Variants in VPS16 observed in about 807,000 individuals in gnomAD.
VPS16 encodes the protein VPS16 core subunit of CORVET and HOPS complexes.
Under a neutral mutation model 116.0 loss-of-function variants are expected in VPS16, and 82 were observed. The ratio of observed to expected loss-of-function variants is 0.71; its 90% CI spans 0.59 to 0.85. VPS16 has a LOEUF of 0.85. Ranked by LOEUF, VPS16 falls within the 40% of genes least tolerant of loss-of-function variation. VPS16 has a pLI of 0.00. For synonymous variants in VPS16, 406 were observed against 420.7 expected (o/e 0.96, Z 0.43); for missense variants, 928 against 1,090.6 (o/e 0.85, Z 2.10).
chr20:2,860,852 T>G lies in VPS16; in HGVS notation c.619T>G (p.Cys207Gly). 6.2e-7 allele frequency: 1 copy of G among 1,614,092 alleles called. No individual in the cohort carries two copies. The highest frequency in any genetic ancestry group is 8.5e-7 in the Non-Finnish European group (1 of 1,180,022). The change falls in exon 6 of 24, where the codon TGC (cysteine) becomes GGC (glycine). Residue 207 changes from cysteine to glycine, a missense_variant. Coordinates refer to ENST00000380445, the MANE Select transcript of VPS16 (RefSeq NM_022575.4). The surrounding 1 kb of genome is among the most constrained non-coding windows in gnomAD (Gnocchi z 6.1). ...CCTTTACCTCTTGGACCATGCAGCC[T>G]GCTCCGCAGTGGTAAGGGCCCTGAG... Reference protein sequence around the residue: ...PDLYLLDHAACSAVTPPGLAP... With the variant: ...PDLYLLDHAAGSAVTPPGLAP...
chr20:2,864,111 C>T lies in VPS16; in HGVS notation c.1611+28C>T. On this transcript the variant is annotated intron_variant, in intron 16 of 23. Coordinates refer to ENST00000380445, the MANE Select transcript of VPS16 (RefSeq NM_022575.4). This position sits in a 1 kb window ranked among gnomAD's most constrained non-coding sequence, Gnocchi z 5.2. ...GTGGGTGCCCAGCCCTCCACAGACA[C>T]TCTGATGTGGTTGTTCAGGGCCCCC... is the stretch of plus-strand genomic sequence containing the variant. 6.2e-7 allele frequency: 1 copy of T among 1,613,710 alleles called. No individual in the cohort carries two copies. Among genetic ancestry groups the T allele is most frequent in the Non-Finnish European group, 8.5e-7 (1 of 1,179,626 alleles).
In VPS16 at chr20:2,860,608, C is replaced by T. The variant is rs767931264; in HGVS notation, c.514+15C>T. 57 of 1,613,028 alleles carry T rather than the reference C, an allele frequency of 3.5e-5. No homozygotes were observed. In the Admixed American group the frequency reaches 3.8e-4, roughly 11 times the overall value. On this transcript the variant is annotated intron_variant, in intron 5 of 23. Transcript: ENST00000380445. The surrounding 1 kb of genome is among the most constrained non-coding windows in gnomAD (Gnocchi z 6.1). ...AGAGGTGCCAGGTAAGCCCTGACAC[C>T]GCTGAGATAGCCAAGCAGTACCCAC...
intron 1 of VPS16, among the ~76,000 whole-genome samples, chr20:2,851,949 G>A (rs1446502074): frequency 3.3e-5 from 5 of 152,138 alleles, no homozygotes; most frequent in Non-Finnish European, 7.4e-5. Flanking sequence ...CAGCCTGGGC[G>A]ACAGAGCGAG....
Position 2,864,048 on chromosome 20 carries a change from G to A in VPS16, c.1576G>A (p.Ala526Thr). ...CTCTTACTCCGACATTGCTGCACGAGCCTATGGTTGTGGCCGCACGGAGCT... is the reference window on the plus strand; with the variant it reads ...CTCTTACTCCGACATTGCTGCACGAACCTATGGTTGTGGCCGCACGGAGCT... ...GVSYSDIAAR[A>T]YGCGRTELAI... The change falls in exon 16 of 24, where the codon GCC (alanine) becomes ACC (threonine). Residue 526 changes from alanine to threonine, a missense_variant. Coordinates refer to ENST00000380445, the MANE Select transcript of VPS16 (RefSeq NM_022575.4). The surrounding 1 kb of genome is among the most constrained non-coding windows in gnomAD (Gnocchi z 5.2). 1 of 1,614,196 alleles carries A rather than the reference G, an allele frequency of 6.2e-7. No individual in the cohort carries two copies. The highest frequency in any genetic ancestry group is 1.6e-4 in the Middle Eastern group (1 of 6,062).
At position 2,863,209 on chromosome 20, in the gene VPS16, C is replaced by T; in HGVS notation, c.1368-81C>T. ...CCTGACCTATCTAGGATGTGGGAGG[C>T]CTGATGTGCAGGCTGAGGCCACTCT... On this transcript the variant is annotated intron_variant, in intron 14 of 23. Coordinates refer to ENST00000380445, the MANE Select transcript of VPS16 (RefSeq NM_022575.4). This position sits in a 1 kb window ranked among gnomAD's most constrained non-coding sequence, Gnocchi z 4.4. The T allele has an allele frequency of 6.2e-7, 1 of 1,609,702 alleles. No individual in the cohort carries two copies. Among genetic ancestry groups the T allele is most frequent in the South Asian group, 1.1e-5 (1 of 90,952 alleles).
In VPS16 at chr20:2,863,338, C is replaced by T; in HGVS notation, c.1416C>T (p.Tyr472=). 1 of 1,614,232 alleles carries T rather than the reference C, an allele frequency of 6.2e-7. No individual in the cohort carries two copies. The highest frequency in any genetic ancestry group is 1.1e-5 in the South Asian group (1 of 91,092). The change falls in exon 15 of 24, where the codon TAC becomes TAT. Residue 472 remains tyrosine, a synonymous_variant. Coordinates refer to ENST00000380445, the MANE Select transcript of VPS16 (RefSeq NM_022575.4). The surrounding 1 kb of genome is among the most constrained non-coding windows in gnomAD (Gnocchi z 4.4). Reference sequence around the variant, plus strand: ...CCCTGGCCATCCAGATATGCGAGTACTTGCGCCTTCCTGAAGTACAGGGCG... The same window carrying T: ...CCCTGGCCATCCAGATATGCGAGTATTTGCGCCTTCCTGAAGTACAGGGCG... ...LYPLAIQICE[Y]LRLPEVQGVS...
intron 1 of VPS16, among the ~76,000 whole-genome samples, chr20:2,858,346 G>A (rs2089195466): frequency 6.6e-6 from 1 of 152,104 alleles, no homozygotes; most frequent in South Asian, 2.1e-4. Context: ...AGCTCAAGCA[G>A]TCTGCCTGCT....
At chr20:2,861,580 A>T (rs1420300283) in intron 8 of VPS16, 35 bp from the exon 9 acceptor site, 3 of 1,578,518 alleles carry the variant, frequency 1.9e-6, no homozygotes, top group Admixed American at 3.6e-5. Context: ...TGGCCATGGG[A>T]CAGTGTCTAG....
At chr20:2,857,579 G>T (rs2146660998) in intron 1 of VPS16, among the ~76,000 whole-genome samples, 1 of 150,786 alleles carries the variant, frequency 6.6e-6, no homozygotes, top group Middle Eastern at 3.4e-3. Context: ...GCACAATCTT[G>T]GCTCACTGCA....
chr20:2,863,843 G>GAAA lies in VPS16; in HGVS notation c.1477-106_1477-105insAAA. ...AAAGAGAGAAAGAAAGAAAGAAGAA[G>GAAA]GAAGGGAGGGAGGAAGGGAACTGAA... is the stretch of plus-strand genomic sequence containing the variant. On this transcript the variant is annotated intron_variant, in intron 15 of 23. Coordinates refer to ENST00000380445, the MANE Select transcript of VPS16 (RefSeq NM_022575.4). The surrounding 1 kb of genome is among the most constrained non-coding windows in gnomAD (Gnocchi z 4.4). 7.7e-7 allele frequency: 1 copy of GAAA among 1,307,056 alleles called. No individual in the cohort carries two copies. Among genetic ancestry groups the GAAA allele is most frequent in the Non-Finnish European group, 1.0e-6 (1 of 957,482 alleles). 81.0% of individuals were successfully genotyped at this position (1,307,056 alleles called of 1,614,324 possible). A position where few individuals can be genotyped will look rare whatever the true frequency, so the allele number is the denominator to read the frequency against.
chr20:2,864,491 A>T lies in VPS16; in HGVS notation c.1818+29A>T. On this transcript the variant is annotated intron_variant, in intron 18 of 23. Coordinates refer to ENST00000380445, the MANE Select transcript of VPS16 (RefSeq NM_022575.4). The surrounding 1 kb of genome is among the most constrained non-coding windows in gnomAD (Gnocchi z 5.2). ...TGTGTAGTGGGCAGGGTTGTGGTGT[A>T]GCCTTCTGAGCACTTGAGTTGGCCT... is the stretch of plus-strand genomic sequence containing the variant. 3 of 1,614,082 alleles carry T rather than the reference A, an allele frequency of 1.9e-6. No homozygotes were observed. The highest frequency in any genetic ancestry group is 1.7e-6 in the Non-Finnish European group (2 of 1,180,006).
At chr20:2,847,540 A>G (rs555957218) in intron 1 of VPS16, among the ~76,000 whole-genome samples, 111 of 146,088 alleles carry the variant, frequency 7.6e-4, no homozygotes, top group African/African-American at 2.5e-3. Context: ...GTGCAATGGC[A>G]TGATCTCGGC....
rs767906066 is a variant in VPS16 at position 2,866,299 on chromosome 20, G to A, written c.2359G>A (p.Ala787Thr). ...SRVGPEQKVK[A>T]LLLVGDVAQA... ...CGTGGGTCCCGAGCAGAAGGTCAAGGCTTTGCTTCTTGTTGGGTGCGTCAA... is the reference window on the plus strand; with the variant it reads ...CGTGGGTCCCGAGCAGAAGGTCAAGACTTTGCTTCTTGTTGGGTGCGTCAA... The change falls in exon 23 of 24, where the codon GCT (alanine) becomes ACT (threonine). Residue 787 changes from alanine to threonine, a missense_variant. Coordinates refer to ENST00000380445, the MANE Select transcript of VPS16 (RefSeq NM_022575.4). The A allele has an allele frequency of 7.4e-6, 12 of 1,613,980 alleles. No individual in the cohort carries two copies. The highest frequency in any genetic ancestry group is 1.6e-4 in the Middle Eastern group (1 of 6,084).
In VPS16 at chr20:2,858,143, G is replaced by A. The variant is rs539999251; in HGVS notation, c.54-1576G>A. Reference sequence around the variant, plus strand: ...AGGGTCTCACTTTGTCACCCAGGCTGGAGTGCAGTGATGCTGTCTTGGCTC... The same window carrying A: ...AGGGTCTCACTTTGTCACCCAGGCTAGAGTGCAGTGATGCTGTCTTGGCTC... On this transcript the variant is annotated intron_variant, in intron 1 of 23. Transcript: ENST00000380445. 3.4e-4 allele frequency among the ~76,000 whole-genome samples: 51 copies of A among 151,354 alleles called. 1 individual carries two copies. The South Asian group carries it at 0.011, about 32-fold the overall frequency.
chr20:2,862,430 G>A (rs6051450), intron 11 of VPS16, 149 bp from the exon 12 acceptor site: 2 of 1,443,198 alleles, frequency 1.4e-6, no homozygotes, highest in Non-Finnish European at 1.8e-6. Flanking sequence ...GGGCACCTCA[G>A]GTGGATTGAG....
In VPS16 at chr20:2,863,146, G is replaced by A. The variant is rs753157182; in HGVS notation, c.1367+46G>A. On this transcript the variant is annotated intron_variant, in intron 14 of 23. Coordinates refer to ENST00000380445, the MANE Select transcript of VPS16 (RefSeq NM_022575.4). The surrounding 1 kb of genome is among the most constrained non-coding windows in gnomAD (Gnocchi z 4.4). ...CAGTGAGCGGGCTGTCAGGGGGGTG[G>A]GCATTACAGCCTTGGGTGGGGTCTT... 6.2e-7 allele frequency: 1 copy of A among 1,613,578 alleles called. No homozygotes were observed. Among genetic ancestry groups the A allele is most frequent in the Middle Eastern group, 1.7e-4 (1 of 6,054 alleles).
chr20:2,842,895 TA>T (rs2089020158), intron 1 of VPS16, among the ~76,000 whole-genome samples: 3 of 135,888 alleles, frequency 2.2e-5, no homozygotes, highest in Admixed American at 7.3e-5. Context: ...TATCGATAGA[TA>T]GATAGATATA....
At chr20:2,840,889 C>T in intron 1 of VPS16, 62 bp downstream of exon 1, 1 of 1,329,542 alleles carries the variant, frequency 7.5e-7, no homozygotes. Flanking sequence ...CGGCTGGAGT[C>T]TCCCGGCGGC....
chr20:2,863,460 G>A lies in VPS16; in HGVS notation c.1476+62G>A. The A allele has an allele frequency of 6.5e-7, 1 of 1,545,436 alleles. No individual in the cohort carries two copies. On this transcript the variant is annotated intron_variant, in intron 15 of 23. Coordinates refer to ENST00000380445, the MANE Select transcript of VPS16 (RefSeq NM_022575.4). This position sits in a 1 kb window ranked among gnomAD's most constrained non-coding sequence, Gnocchi z 4.4. ...GATTCCAGGCCCTGGTGAGGTGGAG[G>A]AAATAGAAAGTGTAGAACTGCGCTG... is the stretch of plus-strand genomic sequence containing the variant.
Sources: gnomAD v4.1 joint callset for allele counts (sites outside exome capture counted in the v4.1 genomes callset) on GRCh38, gnomAD v4.1.1 for gene constraint, Gnocchi (gnomAD v3.1) non-coding constraint, MANE v1.5 for transcripts, NCBI Gene and HGNC (gene_info 2026-07-23, HGNC 2026-07-21) for gene names.